EIF2AK4: variants seen among roughly 807,000 people sequenced by gnomAD.
EIF2AK4 encodes the protein eukaryotic translation initiation factor 2 alpha kinase 4, also known as eIF-2-alpha kinase GCN2.
A neutral mutation model predicts 211.1 loss-of-function variants in EIF2AK4; 139 were observed. The observed-to-expected ratio is 0.66, with a 90% CI of 0.57 to 0.76. The LOEUF is 0.76. EIF2AK4 is among the 30% of genes least tolerant of loss of function. The pLI is 0.00. For missense variants in EIF2AK4, 1,664 were observed against 2,043.8 expected (o/e 0.81, Z 3.58); for synonymous variants, 710 against 751.3 (o/e 0.94, Z 0.90).
At chr15:39,940,634 A>T (rs1268749185) in intron 2 of EIF2AK4, among the ~76,000 whole-genome samples, 1 of 152,228 alleles carries the variant, frequency 6.6e-6, no homozygotes, top group Admixed American at 6.5e-5. Context: ...AACATTAATG[A>T]AAAAGATAAT....
intron 3 of EIF2AK4, 95 bp downstream of exon 3, chr15:39,943,580 T>C (rs1458987340): frequency 1.0e-5 from 10 of 981,320 alleles, no homozygotes; most frequent in Non-Finnish European, 1.5e-5. Context: ...GTTTTATTGG[T>C]TCTACAAAAG....
Position 40,000,947 on chromosome 15 carries a change from C to T in EIF2AK4, c.2923-41C>T, listed in dbSNP as rs143230493. On this transcript the variant is annotated intron_variant, in intron 20 of 38. Transcript: ENST00000263791. ...TGTCCGGAGAATAGCTGAGCATTAT[C>T]CATTGCATCCCATTAGCAGTGTGCC... 5,909 of 1,588,868 alleles carry T rather than the reference C, an allele frequency of 3.7e-3. 14 individuals are homozygous for T. The highest frequency in any genetic ancestry group is 4.7e-3 in the Non-Finnish European group (5,466 of 1,157,482).
intron 21 of EIF2AK4, 105 bp from the exon 22 acceptor site, chr15:40,002,608 C>T (rs576813960): frequency 3.3e-6 from 4 of 1,202,202 alleles, no homozygotes; most frequent in Non-Finnish European, 4.9e-6. Context: ...GTTTTTTGAA[C>T]CTGGAAATAA....
At chr15:39,964,849 T>C (rs1460810159) in intron 7 of EIF2AK4, among the ~76,000 whole-genome samples, 3 of 152,244 alleles carry the variant, frequency 2.0e-5, no homozygotes, top group African/African-American at 7.2e-5. Flanking sequence ...CATCTCTTGT[T>C]CTTTCCTTCC....
intron 35 of EIF2AK4, 32 bp downstream of exon 35, chr15:40,030,488 A>C (rs1466299069): frequency 1.3e-6 from 2 of 1,563,868 alleles, no homozygotes; most frequent in Admixed American, 3.4e-5. Context: ...TTGGCTTTCT[A>C]ATATGAGTTA....
chr15:40,017,551 A>ATATGTATATATATATGTATATG, intron 29 of EIF2AK4, among the ~76,000 whole-genome samples: 1 of 87,094 alleles, frequency 1.1e-5, no homozygotes, highest in Admixed American at 1.3e-4. Flanking sequence ...ATATATATAT[A>ATATGTATATATATATGTATATG]TATGTATTTT....
chr15:39,967,512 C>A lies in EIF2AK4; in HGVS notation c.1186C>A (p.Pro396Thr). 6.2e-7 allele frequency: 1 copy of A among 1,614,022 alleles called. No individual in the cohort carries two copies. The highest frequency in any genetic ancestry group is 1.1e-5 in the South Asian group (1 of 91,072). The change falls in exon 9 of 39, where the codon CCC becomes ACC. Residue 396 changes from proline to threonine, a missense_variant. Coordinates refer to ENST00000263791, the MANE Select transcript of EIF2AK4 (RefSeq NM_001013703.4). ...TGCTGCACACCTGAGCCACTCAGGC[C>A]CCATCCCTGTGCATCAGCTTCGCAG... ...SLAAHLSHSG[P>T]IPVHQLRRYT...
chr15:39,960,974 A>T (rs1318804766), intron 6 of EIF2AK4, among the ~76,000 whole-genome samples: 3 of 152,236 alleles, frequency 2.0e-5, no homozygotes, highest in African/African-American at 7.2e-5. Flanking sequence ...CATGCACGTC[A>T]TCGAAGTGTT....
chr15:40,002,200 T>C (rs980174376), intron 21 of EIF2AK4, among the ~76,000 whole-genome samples: 2 of 152,214 alleles, frequency 1.3e-5, no homozygotes, highest in African/African-American at 2.4e-5. Flanking sequence ...GACTTTTTTA[T>C]AGATGTCTTT....
At position 40,017,504 on chromosome 15, in the gene EIF2AK4, TATATATATATA is replaced by T. The variant is rs2035320656; in HGVS notation, c.4065+263_4065+273del. Among the ~76,000 whole-genome samples, 143 of 81,066 alleles carry T rather than the reference TATATATATATA, an allele frequency of 1.8e-3. 12 individuals carry two copies. The highest frequency in any genetic ancestry group is 6.0e-3 in the Middle Eastern group (1 of 166). 53.2% of individuals were successfully genotyped at this position (81,066 alleles called of 152,430 possible). ...TCATGTACCCTTTACTCTGTTTCTATATATATATATATATATATATATATATATATATATAT... is the reference window on the plus strand; with the variant it reads ...TCATGTACCCTTTACTCTGTTTCTATTATATATATATATATATATATATAT... On this transcript the variant is annotated intron_variant, in intron 29 of 38. Transcript: ENST00000263791.
chr15:40,029,578 A>G, intron 34 of EIF2AK4, 114 bp downstream of exon 34: 1 of 1,124,838 alleles, frequency 8.9e-7, no homozygotes, highest in Non-Finnish European at 1.3e-6. Flanking sequence ...AATAACATAT[A>G]CGCAATAAAT....
intron 36 of EIF2AK4, 126 bp from the exon 37 acceptor site, chr15:40,032,631 T>C (rs1320355063): frequency 3.7e-6 from 3 of 821,768 alleles, no homozygotes; most frequent in Non-Finnish European, 5.8e-6. Flanking sequence ...CATTAAGCCC[T>C]TTTACAGCAC....
chr15:39,955,745 G>C lies in EIF2AK4; in HGVS notation c.720G>C (p.Arg240=). The C allele has an allele frequency of 4.3e-6, 7 of 1,611,368 alleles. No individual in the cohort carries two copies. The highest frequency in any genetic ancestry group is 5.9e-6 in the Non-Finnish European group (7 of 1,179,160). Residue 240 remains arginine, a synonymous_variant, in exon 6 of 39, where the codon CGG becomes CGC. Coordinates refer to ENST00000263791, the MANE Select transcript of EIF2AK4 (RefSeq NM_001013703.4). ...SPDFVGNGKH[R]ANSSGRSRRE... Reference sequence around the variant, plus strand: ...ACTTTGTAGGAAATGGTAAACATCGGGCAAACTCCTCAGGAAGGTCTAGGT... The same window carrying C: ...ACTTTGTAGGAAATGGTAAACATCGCGCAAACTCCTCAGGAAGGTCTAGGT...
chr15:39,982,145 C>G (rs113246046), intron 13 of EIF2AK4, among the ~76,000 whole-genome samples: 1 of 149,602 alleles, frequency 6.7e-6, no homozygotes, highest in African/African-American at 2.4e-5. Flanking sequence ...AGGATGGTCT[C>G]GATCTCCTGA....
At chr15:40,005,532 T>C (rs1035467982) in intron 23 of EIF2AK4, among the ~76,000 whole-genome samples, 4 of 151,536 alleles carry the variant, frequency 2.6e-5, no homozygotes, top group Non-Finnish European at 5.9e-5. Flanking sequence ...AACAAAAAAC[T>C]GTACATAAGG....
At position 39,992,211 on chromosome 15, in the gene EIF2AK4, A is replaced by G. The variant is rs2034953509; in HGVS notation, c.2668A>G (p.Ile890Val). 1 of 1,612,246 alleles carries G rather than the reference A, an allele frequency of 6.2e-7. No homozygotes were observed. The highest frequency in any genetic ancestry group is 8.5e-7 in the Non-Finnish European group (1 of 1,179,126). Residue 890 changes from isoleucine (I) to valine (V), a missense_variant, in exon 17 of 39, where the codon ATT (isoleucine) becomes GTT (valine). This residue lies in a region of EIF2AK4 where 622 missense variants were observed against 796.8 expected (regional missense o/e 0.78). Transcript: ENST00000263791. ...ACAAGACGATCAGACAGGAGACTTG[A>G]TTAAGTCAGACCCTTCAGGTAAACC... The part of the protein sequence containing the change: ...SKQDDQTGDL[I>V]KSDPSGHLTG...
At chr15:39,995,715 T>G (rs1476440187) in intron 18 of EIF2AK4, among the ~76,000 whole-genome samples, 1 of 152,154 alleles carries the variant, frequency 6.6e-6, no homozygotes, top group Non-Finnish European at 1.5e-5. Flanking sequence ...ATTTTTTTCC[T>G]AGCTTATGGA....
chr15:40,020,757 A>C (rs2035375689), intron 30 of EIF2AK4, 142 bp from the exon 31 acceptor site: 2 of 626,482 alleles, frequency 3.2e-6, no homozygotes, highest in Admixed American at 6.8e-5. Flanking sequence ...TTTGAAGCAA[A>C]GTCTTTGGCA....
intron 12 of EIF2AK4, 58 bp from the exon 13 acceptor site, chr15:39,978,020 T>C (rs923658668): frequency 4.7e-6 from 6 of 1,276,488 alleles, no homozygotes; most frequent in Non-Finnish European, 6.7e-6. Flanking sequence ...AAAATGTCCA[T>C]GTTTATAATG....
Sources: gnomAD v4.1 joint callset for allele counts (sites outside exome capture counted in the v4.1 genomes callset) on GRCh38, gnomAD v4.1.1 for gene constraint, gnomAD v4.1.1 regional missense constraint, MANE v1.5 for transcripts, NCBI Gene and HGNC (gene_info 2026-07-23, HGNC 2026-07-21) for gene names.